The following CDC26 variants were observed in gnomAD, a reference collection of about 807,000 sequenced individuals.
The protein encoded by CDC26 is cell division cycle 26.
A neutral mutation model predicts 8.0 loss-of-function variants in CDC26; 2 were observed. The observed-to-expected ratio is 0.25, with a 90% CI of 0.10 to 0.79. CDC26 has a LOEUF of 0.79. Ranked by LOEUF, CDC26 falls within the 30% of genes least tolerant of loss-of-function variation. CDC26 has a pLI of 0.70. For missense variants in CDC26, 68 were observed against 106.0 expected (o/e 0.64, Z 1.57); for synonymous variants, 19 against 34.9 (o/e 0.55, Z 1.60).
chr9:113,270,298 A>T (rs1186577276), intron 3 of CDC26, among the ~76,000 whole-genome samples: 1 of 152,178 alleles, frequency 6.6e-6, no homozygotes, highest in Non-Finnish European at 1.5e-5. Flanking sequence ...GGAATTTGGA[A>T]TTTATTCTGT....
chr9:113,275,103 T>TC (rs1832038654), intron 1 of CDC26, among the ~76,000 whole-genome samples: 2 of 152,076 alleles, frequency 1.3e-5, no homozygotes, highest in Non-Finnish European at 2.9e-5. Context: ...ACTAGCGGGC[T>TC]CTTCTAGCTT....
intron 1 of CDC26, 163 bp downstream of exon 1, chr9:113,275,219 C>T (rs1362294796): frequency 1.3e-5 from 2 of 152,820 alleles, no homozygotes; most frequent in Non-Finnish European, 2.9e-5. Flanking sequence ...CCCCTAGCTC[C>T]AGGCCTGTAC....
At chr9:113,273,545 G>T (rs1206068144) in intron 1 of CDC26, 107 bp from the exon 2 acceptor site, 1 of 152,196 alleles carries the variant, frequency 6.6e-6, no homozygotes, top group African/African-American at 2.4e-5. Context: ...GGCTGAGTGT[G>T]GGGTGGACAA....
intron 3 of CDC26, 48 bp from the exon 4 acceptor site, chr9:113,267,487 C>A: frequency 1.3e-6 from 2 of 1,566,076 alleles, no homozygotes; most frequent in South Asian, 1.2e-5. Flanking sequence ...TTTCAATTAG[C>A]AAATGTTTAT....
intron 3 of CDC26, 131 bp downstream of exon 3, chr9:113,272,296 G>A: frequency 1.4e-6 from 1 of 691,306 alleles, no homozygotes; most frequent in Non-Finnish European, 2.6e-6. Context: ...GCATGAACCT[G>A]TGGTCCCAGC....
At chr9:113,272,278 G>A (rs755161489) in intron 3 of CDC26, 149 bp downstream of exon 3, 39 of 622,546 alleles carry the variant, frequency 6.3e-5, no homozygotes, top group Non-Finnish European at 1.0e-4. Flanking sequence ...AATGAGCTGG[G>A]CGTGCTGGCA....
Position 113,274,783 on chromosome 9 carries a change from T to C in CDC26, c.-152+599A>G, listed in dbSNP as rs574677001. On this transcript the variant is annotated intron_variant, in intron 1 of 3. Transcript: ENST00000374206. ...TACAGAGTAAGCTCTTGGAATATTA[T>C]TTGGCATTTAATAAATGTTCAATAA... 2.6e-4 allele frequency among the ~76,000 whole-genome samples: 40 copies of C among 152,332 alleles called. No individual in the cohort carries two copies. In the East Asian group the frequency reaches 6.8e-3, roughly 26 times the overall value.
chr9:113,271,604 C>G (rs1277154585), intron 3 of CDC26, among the ~76,000 whole-genome samples: 2 of 152,156 alleles, frequency 1.3e-5, no homozygotes, highest in Non-Finnish European at 2.9e-5. Context: ...GAATGTGGCC[C>G]TCCTGACACC....
At chr9:113,270,508 C>A (rs1038222090) in intron 3 of CDC26, among the ~76,000 whole-genome samples, 1 of 152,008 alleles carries the variant, frequency 6.6e-6, no homozygotes, top group African/African-American at 2.4e-5. Flanking sequence ...ATAATAAATG[C>A]TATGAAAAAA....
At chr9:113,273,990 C>T (rs538656765) in intron 1 of CDC26, among the ~76,000 whole-genome samples, 2 of 152,310 alleles carry the variant, frequency 1.3e-5, no homozygotes, top group South Asian at 2.1e-4. Context: ...ATATTCTCCA[C>T]AGCATCCCCT....
At chr9:113,273,906 ATTTTG>A (rs888483648) in intron 1 of CDC26, among the ~76,000 whole-genome samples, 8 of 151,366 alleles carry the variant, frequency 5.3e-5, no homozygotes, top group Non-Finnish European at 7.4e-5. Flanking sequence ...AACAAAAACC[ATTTTG>A]TTTTGTTTTG....
chr9:113,267,760 G>A (rs192337721), intron 3 of CDC26, among the ~76,000 whole-genome samples: 4 of 152,030 alleles, frequency 2.6e-5, no homozygotes, highest in Non-Finnish European at 4.4e-5. Flanking sequence ...AGGCTGAGGC[G>A]AGCGGATCAC....
chr9:113,270,168 G>C (rs933176958), intron 3 of CDC26, among the ~76,000 whole-genome samples: 12 of 152,192 alleles, frequency 7.9e-5, no homozygotes, highest in African/African-American at 2.9e-4. Context: ...CAAAGAAAAA[G>C]AAAGGGCTTT....
chr9:113,272,413 A>G lies in CDC26; in HGVS notation c.81+14T>C. On this transcript the variant is annotated intron_variant, in intron 3 of 3. Coordinates refer to ENST00000374206, the MANE Select transcript of CDC26 (RefSeq NM_139286.4). ...GAGACTCCATCTCAAAAAAACACAA[A>G]GTTGTATTCATACCTCCAGGTCCTT... 6.3e-7 allele frequency: 1 copy of G among 1,599,208 alleles called. No individual in the cohort carries two copies. The highest frequency in any genetic ancestry group is 8.6e-7 in the Non-Finnish European group (1 of 1,168,132).
In CDC26 at chr9:113,275,392, G is replaced by C. The variant is rs1026583216; in HGVS notation, c.-162C>G. The stretch of plus-strand genomic sequence containing the variant: ...AGTCGACTCACCTACCTCTTTTCAA[G>C]CCGGCCTAGCCCCTTCCCGGAACCT... On this transcript the variant is annotated 5_prime_UTR_variant, in exon 1 of 4. Transcript: ENST00000374206. 4.0e-6 allele frequency: 1 copy of C among 250,988 alleles called. No homozygotes were observed. Among genetic ancestry groups the C allele is most frequent in the Non-Finnish European group, 7.6e-6 (1 of 130,936 alleles). 15.5% of individuals were successfully genotyped at this position (250,988 alleles called of 1,614,324 possible). A position where few individuals can be genotyped will look rare whatever the true frequency, so the allele number is the denominator to read the frequency against.
rs151215682 is a variant in CDC26 at position 113,272,387 on chromosome 9, C to T, written c.81+40G>A. On this transcript the variant is annotated intron_variant, in intron 3 of 3. Coordinates refer to ENST00000374206, the MANE Select transcript of CDC26 (RefSeq NM_139286.4). ...CTGTACTCCAGCCTGTGTGACAGAG[C>T]GAGACTCCATCTCAAAAAAACACAA... 1.2e-4 allele frequency: 170 copies of T among 1,455,680 alleles called. No individual in the cohort carries two copies. In the African/African-American group the frequency reaches 1.9e-3, roughly 17 times the overall value. 90.2% of individuals were successfully genotyped at this position (1,455,680 alleles called of 1,614,324 possible).
At chr9:113,271,004 G>A (rs950116648) in intron 3 of CDC26, among the ~76,000 whole-genome samples, 5 of 149,862 alleles carry the variant, frequency 3.3e-5, no homozygotes, top group Non-Finnish European at 7.5e-5. Context: ...AGGGAAAGAC[G>A]GTTACTTAGC....
chr9:113,270,112 T>G (rs1366098611), intron 3 of CDC26, among the ~76,000 whole-genome samples: 1 of 152,178 alleles, frequency 6.6e-6, no homozygotes, highest in Non-Finnish European at 1.5e-5. Context: ...AGGATAAGGT[T>G]GAGCCTAACC....
At position 113,272,440 on chromosome 9, in the gene CDC26, C is replaced by A; in HGVS notation, c.68G>T (p.Arg23Leu). The A allele has an allele frequency of 1.2e-6, 2 of 1,611,350 alleles. No homozygotes were observed. The highest frequency in any genetic ancestry group is 1.1e-5 in the South Asian group (1 of 90,976). The change falls in exon 3 of 4, where the codon CGA (arginine) becomes CTA (leucine). Residue 23 changes from arginine (R) to leucine (L), a missense_variant. Physicochemically the swap from Arg to Leu is moderately radical, Grantham distance 102. Coordinates refer to ENST00000374206, the MANE Select transcript of CDC26 (RefSeq NM_139286.4). ...TTGTATTCATACCTCCAGGTCCTTT[C>A]GAATGTTCTCAAACTCTTCAATGTC... ...LDDIEEFENI[R>L]KDLETRKKQK... is the part of the protein sequence containing the mutation.
Sources: allele counts gnomAD v4.1 joint callset (sites outside exome capture counted in the v4.1 genomes callset), GRCh38; gene constraint gnomAD v4.1.1; transcripts MANE v1.5; gene names NCBI Gene and HGNC (gene_info 2026-07-23, HGNC 2026-07-21).